The following POU2F1 variants were observed in gnomAD, a reference collection of about 807,000 sequenced individuals.
POU2F1 encodes POU domain, class 2, transcription factor 1.
POU2F1 carries 16 observed loss-of-function variants against 84.9 expected under a neutral mutation model. That is an observed-to-expected ratio of 0.19 (90% CI 0.13 to 0.29). The LOEUF (loss-of-function observed/expected upper bound fraction) is 0.29. Among genes scored for constraint, POU2F1 ranks in the 10% least tolerant of loss-of-function variants. POU2F1 has a pLI of 1.00. For missense variants in POU2F1, 738 were observed against 942.6 expected (o/e 0.78, Z 2.84); for synonymous variants, 368 against 368.3 (o/e 1.00, Z 0.01).
At chr1:167,293,326 A>G (rs1377386343) in intron 1 of POU2F1, among the ~76,000 whole-genome samples, 1 of 152,224 alleles carries the variant, frequency 6.6e-6, no homozygotes, top group African/African-American at 2.4e-5. Flanking sequence ...GCACTGCTGT[A>G]CACCAATGAC....
At chr1:167,245,411 A>AT (rs985054717) in intron 1 of POU2F1, among the ~76,000 whole-genome samples, 1,700 of 132,454 alleles carry the variant, frequency 0.013, 49 homozygotes, top group Admixed American at 0.058. Flanking sequence ...TGCCTGGCTA[A>AT]TTTTTTTTTT....
At chr1:167,302,567 T>A (rs71630398) in intron 1 of POU2F1, among the ~76,000 whole-genome samples, 2,269 of 152,268 alleles carry the variant, frequency 0.015, 37 homozygotes, top group Middle Eastern at 0.031. Flanking sequence ...AACAACTCCT[T>A]TTTAAGAAGA....
chr1:167,407,410 G>A (rs73026302), intron 13 of POU2F1, among the ~76,000 whole-genome samples: 13,322 of 152,116 alleles, frequency 0.088, 1,859 homozygotes, highest in African/African-American at 0.3. Context: ...TAAAGAAATC[G>A]ATAAACTCTT....
At chr1:167,389,904 T>TATACATGTTCA in intron 9 of POU2F1, 143 bp downstream of exon 9, 1 of 846,192 alleles carries the variant, frequency 1.2e-6, no homozygotes, top group Non-Finnish European at 1.8e-6. Flanking sequence ...TGGTCATGTC[T>TATACATGTTCA]GTACTGAACA....
chr1:167,375,040 A>G (rs2101855622), intron 6 of POU2F1, among the ~76,000 whole-genome samples: 1 of 152,262 alleles, frequency 6.6e-6, no homozygotes, highest in East Asian at 1.9e-4. Context: ...AAAAAAAAAA[A>G]AAATTAAGAA....
chr1:167,270,185 AT>A (rs1230222058), intron 1 of POU2F1, among the ~76,000 whole-genome samples: 12 of 151,802 alleles, frequency 7.9e-5, no homozygotes, highest in East Asian at 1.9e-4. Context: ...TAGTATTCCT[AT>A]TTTTTTCCCC....
rs780138731 is a variant in POU2F1, at chr1:167,399,412, A to AT, written c.1449+47_1449+48insT. On this transcript the variant is annotated intron_variant, in intron 12 of 15. Transcript: ENST00000367866. ...TGCAAGCTCAAGGGCTAATTTTTGC[A>AT]ATTTTACAAATGACCTGTTAAATCA... The AT allele has an allele frequency of 4.7e-6, 7 of 1,492,362 alleles. No homozygotes were observed. The South Asian group carries it at 7.6e-5, about 16-fold the overall frequency. The allele number at this position is 1,492,362 out of a possible 1,614,324, so 92.4% of individuals were successfully genotyped here. A position where few individuals can be genotyped will look rare whatever the true frequency, so the allele number is the denominator to read the frequency against.
chr1:167,372,419 T>C (rs985786362), intron 5 of POU2F1, among the ~76,000 whole-genome samples: 3 of 152,214 alleles, frequency 2.0e-5, no homozygotes, highest in African/African-American at 7.2e-5. Flanking sequence ...AATGGATTAG[T>C]ACCTGCAAAA....
intron 2 of POU2F1, among the ~76,000 whole-genome samples, chr1:167,339,403 C>T (rs1029223120): frequency 6.6e-6 from 1 of 152,140 alleles, no homozygotes; most frequent in African/African-American, 2.4e-5. Context: ...TAAATTAAAG[C>T]TGATCATCTC....
At chr1:167,312,450 G>A (rs886940113) in intron 1 of POU2F1, among the ~76,000 whole-genome samples, 7 of 151,330 alleles carry the variant, frequency 4.6e-5, no homozygotes, top group East Asian at 1.9e-4. Context: ...GGCGGGTCTC[G>A]AACTCCTGAC....
intron 2 of POU2F1, among the ~76,000 whole-genome samples, chr1:167,363,918 G>T (rs898419812): frequency 6.6e-6 from 1 of 152,154 alleles, no homozygotes; most frequent in Admixed American, 6.5e-5. Context: ...TACAAACACT[G>T]CTGTAAGGTT....
chr1:167,227,165 A>G (rs544602571), intron 1 of POU2F1, among the ~76,000 whole-genome samples: 35 of 152,306 alleles, frequency 2.3e-4, no homozygotes, highest in Admixed American at 6.5e-4. Flanking sequence ...TTAACAGCCA[A>G]TGTTCACATT....
At chr1:167,239,431 T>C (rs979001042) in intron 1 of POU2F1, among the ~76,000 whole-genome samples, 2 of 152,180 alleles carry the variant, frequency 1.3e-5, no homozygotes, top group African/African-American at 4.8e-5. Flanking sequence ...AAAGAACATA[T>C]GTAAAAGTGC....
chr1:167,229,113 T>A (rs183593178), intron 1 of POU2F1, among the ~76,000 whole-genome samples: 83 of 152,246 alleles, frequency 5.5e-4, no homozygotes, highest in African/African-American at 1.9e-3. Context: ...ATCCTTTGTG[T>A]TGGTGTAAGA....
At position 167,414,451 on chromosome 1, in the gene POU2F1, T is replaced by C. The variant is rs12239744; in HGVS notation, c.1991-1049T>C. ...AAGGCCAAAGTCAGAGGCATTCCCT[T>C]CAGCTATATTTTATGTAAGAAATCA... On this transcript the variant is annotated intron_variant, in intron 15 of 15. Transcript: ENST00000367866. 3.4e-3 allele frequency: 3,390 copies of C among 985,416 alleles called. 89 individuals are homozygous for C. The African/African-American group carries it at 0.056, about 16-fold the overall frequency. 61.0% of individuals were successfully genotyped at this position (985,416 alleles called of 1,614,324 possible).
chr1:167,408,033 G>T (rs2101934704), intron 13 of POU2F1, among the ~76,000 whole-genome samples: 1 of 152,276 alleles, frequency 6.6e-6, no homozygotes, highest in Middle Eastern at 3.4e-3. Context: ...CAACTCAATA[G>T]TAAGAATATA....
At chr1:167,262,550 G>A (rs753859447) in intron 1 of POU2F1, among the ~76,000 whole-genome samples, 1 of 152,208 alleles carries the variant, frequency 6.6e-6, no homozygotes, top group African/African-American at 2.4e-5. Context: ...GCTTGCTTCT[G>A]TGTACATACG....
rs571546437 is a variant in POU2F1, at chr1:167,222,153, T to A, written c.61+1195T>A. On this transcript the variant is annotated intron_variant, in intron 1 of 15. Coordinates refer to ENST00000367866, the MANE Select transcript of POU2F1 (RefSeq NM_002697.4). ...ACTTGGATGTAAAGGGCTGCCCTCC[T>A]GCCCCAGAATGGGCTGGCCTGACAA... Among the ~76,000 whole-genome samples, 3 of 152,252 alleles carry A rather than the reference T, an allele frequency of 2.0e-5. No individual in the cohort carries two copies. The East Asian group carries it at 5.8e-4, about 30-fold the overall frequency.
At chr1:167,385,910 A>G (rs1647939268) in intron 8 of POU2F1, among the ~76,000 whole-genome samples, 1 of 152,236 alleles carries the variant, frequency 6.6e-6, no homozygotes, top group South Asian at 2.1e-4. Context: ...GTTAATAATA[A>G]GACAATCTGA....
Sources: allele counts gnomAD v4.1 joint callset (sites outside exome capture counted in the v4.1 genomes callset), GRCh38; gene constraint gnomAD v4.1.1; transcripts MANE v1.5; gene names NCBI Gene and HGNC (gene_info 2026-07-23, HGNC 2026-07-21).